The following TXNRD1 variants were observed in gnomAD, a reference collection of about 807,000 sequenced individuals.
TXNRD1 encodes thioredoxin reductase 1, also known as thioredoxin reductase 1, cytoplasmic.
TXNRD1 carries 57 observed loss-of-function variants against 80.3 expected under a neutral mutation model. The observed-to-expected ratio is 0.71, with a 90% CI of 0.57 to 0.89. TXNRD1 has a LOEUF of 0.89. Ranked by LOEUF, TXNRD1 falls within the 40% of genes least tolerant of loss-of-function variation. The probability of loss-of-function intolerance (pLI) is 0.00; values close to 1 mark genes in which losing one functional copy is unlikely to be tolerated. For missense variants in TXNRD1, 730 were observed against 803.0 expected, an observed-to-expected ratio of 0.91 and a Z score of 1.10; for synonymous variants, 291 against 285.2, an observed-to-expected ratio of 1.02 and a Z score of -0.20.
intron 3 of TXNRD1, chr12:104,276,615 G>C (rs2033763829): frequency 6.6e-6 from 1 of 152,198 alleles, no homozygotes; most frequent in Non-Finnish European, 1.5e-5. Flanking sequence ...TCAAAAGCCT[G>C]CTGAAGTGCC....
At chr12:104,296,790 T>C (rs1381348165) in intron 4 of TXNRD1, among the ~76,000 whole-genome samples, 1 of 152,156 alleles carries the variant, frequency 6.6e-6, no homozygotes, top group Non-Finnish European at 1.5e-5. Flanking sequence ...TCAGAAGAGA[T>C]TCTAGGCAGC....
chr12:104,335,997 A>G (rs1052682364), intron 15 of TXNRD1, among the ~76,000 whole-genome samples: 1 of 152,200 alleles, frequency 6.6e-6, no homozygotes, highest in Non-Finnish European at 1.5e-5. Context: ...AATTGTATAT[A>G]TAGTTGTCTT....
rs757460912 is a variant in TXNRD1, at chr12:104,339,213, A to G, written c.1821A>G (p.Lys607=). The stretch of plus-strand genomic sequence containing the variant: ...CACAAGGCTTTGCAGCTGCGCTCAA[A>G]TGTGGACTGACCAAAAAGCAGCTGG... ...EVTQGFAAAL[K]CGLTKKQLDS... is the part of the protein sequence containing the mutation. Residue 607 remains lysine, a synonymous_variant, in exon 16 of 17, where the codon AAA becomes AAG. Transcript: ENST00000525566. 2.4e-5 allele frequency: 38 copies of G among 1,613,892 alleles called. No individual in the cohort carries two copies. The South Asian group carries it at 4.1e-4, about 17-fold the overall frequency.
chr12:104,260,013 A>T (rs1223550387), intron 3 of TXNRD1, among the ~76,000 whole-genome samples: 1 of 152,210 alleles, frequency 6.6e-6, no homozygotes, highest in Non-Finnish European at 1.5e-5. Flanking sequence ...TAAATGAGGA[A>T]ATTGAATCCC....
chr12:104,221,134 C>T (rs12322184), intron 1 of TXNRD1, among the ~76,000 whole-genome samples: 11,535 of 151,866 alleles, frequency 0.076, 554 homozygotes, highest in Middle Eastern at 0.17. Context: ...TGGTGGCGTG[C>T]GCCTGTTAGT....
At chr12:104,310,056 C>T in intron 4 of TXNRD1, 1 of 1,535,394 alleles carries the variant, frequency 6.5e-7, no homozygotes, top group Non-Finnish European at 8.7e-7. Context: ...CTTTCACCCC[C>T]TACATCTGAT....
At chr12:104,316,733 A>G (rs1435350009) in intron 7 of TXNRD1, among the ~76,000 whole-genome samples, 1 of 152,222 alleles carries the variant, frequency 6.6e-6, no homozygotes, top group East Asian at 1.9e-4. Flanking sequence ...TAGTAGAAGA[A>G]TAAAATGAGA....
At chr12:104,261,448 C>T (rs949127243) in intron 3 of TXNRD1, among the ~76,000 whole-genome samples, 8 of 152,162 alleles carry the variant, frequency 5.3e-5, no homozygotes, top group African/African-American at 1.9e-4. Context: ...CAGGCGTGAG[C>T]CACCATGCCC....
chr12:104,348,296 C>T, intron 16 of TXNRD1, 57 bp from the exon 17 acceptor site: 2 of 1,549,664 alleles, frequency 1.3e-6, no homozygotes, highest in Non-Finnish European at 1.8e-6. Context: ...TGAACTGTTC[C>T]CTGTTACCTC....
intron 4 of TXNRD1, among the ~76,000 whole-genome samples, chr12:104,310,960 A>G (rs1444392272): frequency 6.6e-6 from 1 of 152,196 alleles, no homozygotes; most frequent in African/African-American, 2.4e-5. Context: ...CCAAGCCCCT[A>G]TCTTTAAAAC....
intron 16 of TXNRD1, among the ~76,000 whole-genome samples, chr12:104,339,929 A>G (rs1339236761): frequency 2.0e-5 from 3 of 152,244 alleles, no homozygotes; most frequent in African/African-American, 4.8e-5. Flanking sequence ...TCCAAGGTGT[A>G]CATTGCACTT....
intron 1 of TXNRD1, among the ~76,000 whole-genome samples, chr12:104,218,921 A>G (rs1287366634): frequency 6.6e-6 from 1 of 152,126 alleles, no homozygotes; most frequent in Non-Finnish European, 1.5e-5. Context: ...ATATTTTTCT[A>G]TACACATACA....
intron 3 of TXNRD1, among the ~76,000 whole-genome samples, chr12:104,283,707 C>T (rs1358018564): frequency 6.6e-6 from 1 of 151,910 alleles, no homozygotes; most frequent in South Asian, 2.1e-4. Flanking sequence ...CCCGTCTATA[C>T]TAAAAATACA....
At chr12:104,304,269 A>T in intron 4 of TXNRD1, 1 of 1,614,046 alleles carries the variant, frequency 6.2e-7, no homozygotes, top group South Asian at 1.1e-5. Context: ...TCAGATATGA[A>T]CTTCTTTAAT....
intron 4 of TXNRD1, among the ~76,000 whole-genome samples, chr12:104,306,265 C>T (rs1317813964): frequency 1.3e-5 from 2 of 152,178 alleles, no homozygotes; most frequent in African/African-American, 2.4e-5. Flanking sequence ...GTTAGTTTAT[C>T]TGGATGTTCT....
chr12:104,218,506 G>A (rs2032274449), intron 1 of TXNRD1, among the ~76,000 whole-genome samples: 1 of 152,032 alleles, frequency 6.6e-6, no homozygotes, highest in Non-Finnish European at 1.5e-5. Flanking sequence ...ATTTCTAACA[G>A]CATAGAAGAA....
Position 104,341,339 on chromosome 12 carries a change from ATCGCAC to A in TXNRD1, c.1881+2069_1881+2074del, listed in dbSNP as rs2036317062. On this transcript the variant is annotated intron_variant, in intron 16 of 16. Transcript: ENST00000525566. ...AAGAAGATAAAAAAAATTGGGTGAA[ATCGCAC>A]TCTGTGAACACACTTCTCAAGCTGT... Among the ~76,000 whole-genome samples the A allele has an allele frequency of 2.6e-5, 4 of 152,282 alleles. No individual in the cohort carries two copies. The South Asian group carries it at 8.3e-4, about 32-fold the overall frequency.
intron 16 of TXNRD1, among the ~76,000 whole-genome samples, chr12:104,342,316 G>A (rs955202420): frequency 2.0e-5 from 3 of 152,076 alleles, no homozygotes; most frequent in South Asian, 2.1e-4. Flanking sequence ...ATAAGCTCAG[G>A]TGTGGTTGAA....
chr12:104,299,038 A>G (rs1422138199), intron 4 of TXNRD1, among the ~76,000 whole-genome samples: 1 of 152,226 alleles, frequency 6.6e-6, no homozygotes, highest in Non-Finnish European at 1.5e-5. Context: ...ACCAGCATAT[A>G]TGGAAAGTCA....
Sources: gnomAD v4.1 joint callset for allele counts (sites outside exome capture counted in the v4.1 genomes callset) on GRCh38, gnomAD v4.1.1 for gene constraint, MANE v1.5 for transcripts, NCBI Gene and HGNC (gene_info 2026-07-23, HGNC 2026-07-21) for gene names.